The following JPT2 variants were observed in gnomAD, a reference collection of about 807,000 sequenced individuals.
JPT2 encodes the protein CRAMP_1 like.
Under a neutral mutation model 15.9 loss-of-function variants are expected in JPT2, and 9 were observed. The ratio of observed to expected loss-of-function variants is 0.57; its 90% CI spans 0.34 to 0.99. The LOEUF is 0.99. JPT2 is among the 50% of genes least tolerant of loss of function. The pLI is 0.02. For synonymous variants in JPT2, 95 were observed against 91.7 expected (o/e 1.04, Z -0.21); for missense variants, 267 against 252.1 (o/e 1.06, Z -0.40).
In JPT2 at chr16:1,701,652, C is replaced by G. The variant is rs2037181042; in HGVS notation, c.*2654C>G. 6.6e-6 allele frequency: 1 copy of G among 152,164 alleles called. No homozygotes were observed. Among genetic ancestry groups the G allele is most frequent in the Non-Finnish European group, 1.5e-5 (1 of 68,164 alleles). The allele number at this position is 152,164 out of a possible 1,614,324, so 9.4% of individuals were successfully genotyped here. ...TTTTTTCCCTTGTATGCCACTTGTC[C>G]TAACATGTCCTTAAGGTGTTTAACC... On this transcript the variant is annotated 3_prime_UTR_variant, in exon 5 of 5. Coordinates refer to ENST00000248098, the MANE Select transcript of JPT2 (RefSeq NM_144570.3).
chr16:1,678,595 G>A (rs1456851430), intron 1 of JPT2, among the ~76,000 whole-genome samples: 3 of 152,314 alleles, frequency 2.0e-5, no homozygotes, highest in Non-Finnish European at 2.9e-5. Flanking sequence ...CCGAGGCCGA[G>A]GGCGGGGAGG....
At chr16:1,680,452 C>T in intron 1 of JPT2, 1 of 1,234,582 alleles carries the variant, frequency 8.1e-7, no homozygotes, top group Non-Finnish European at 1.0e-6. Flanking sequence ...AAAACTCTTC[C>T]TTTTAGGATG....
At chr16:1,692,826 T>G (rs1323139540) in intron 3 of JPT2, among the ~76,000 whole-genome samples, 1 of 152,264 alleles carries the variant, frequency 6.6e-6, no homozygotes, top group Non-Finnish European at 1.5e-5. Context: ...AGTGGAAAAT[T>G]CTTAACCATT....
At position 1,685,544 on chromosome 16, in the gene JPT2, A is replaced by G; in HGVS notation, c.150A>G (p.Pro50=). Residue 50 remains proline, a synonymous_variant, in exon 2 of 5, where the codon CCA becomes CCG. Transcript: ENST00000248098. ...PNRMASNIFG[P]TEEPQNIPKR... ...GGATGGCATCTAATATTTTTGGACC[A>G]ACAGAAGAACCTCAGAACATACCCA... The G allele has an allele frequency of 1.2e-6, 2 of 1,614,200 alleles. No individual in the cohort carries two copies. Among genetic ancestry groups the G allele is most frequent in the African/African-American group, 1.3e-5 (1 of 75,050 alleles).
chr16:1,685,547 A>G lies in JPT2; in HGVS notation c.153A>G (p.Thr51=), dbSNP rs754679163. Residue 51 remains threonine, a synonymous_variant, in exon 2 of 5, where the codon ACA becomes ACG. Transcript: ENST00000248098. The part of the protein sequence containing the change: ...NRMASNIFGP[T]EEPQNIPKRT... ...TGGCATCTAATATTTTTGGACCAAC[A>G]GAAGAACCTCAGAACATACCCAAGA... is the stretch of plus-strand genomic sequence containing the variant. 6.2e-6 allele frequency: 10 copies of G among 1,614,110 alleles called. No homozygotes were observed. Among genetic ancestry groups the G allele is most frequent in the Middle Eastern group, 1.6e-4 (1 of 6,084 alleles).
intron 3 of JPT2, among the ~76,000 whole-genome samples, chr16:1,696,965 C>T (rs529677162): frequency 7.9e-5 from 12 of 152,298 alleles, no homozygotes; most frequent in African/African-American, 2.4e-4. Flanking sequence ...CTCTTAAGTA[C>T]GTACTCACAA....
chr16:1,687,569 G>A (rs2037076228), intron 2 of JPT2, among the ~76,000 whole-genome samples: 2 of 152,144 alleles, frequency 1.3e-5, no homozygotes, highest in Non-Finnish European at 2.9e-5. Flanking sequence ...CTCCATGGAA[G>A]GCAGGCGGTA....
chr16:1,693,097 G>A (rs546917873), intron 3 of JPT2, among the ~76,000 whole-genome samples: 5 of 151,962 alleles, frequency 3.3e-5, no homozygotes, highest in African/African-American at 1.2e-4. Context: ...GTGTTTTTTC[G>A]TTTTATTTTG....
At chr16:1,692,816 AG>A (rs1244214607) in intron 3 of JPT2, among the ~76,000 whole-genome samples, 1 of 152,236 alleles carries the variant, frequency 6.6e-6, no homozygotes, top group East Asian at 1.9e-4. Context: ...GGTTCCTTAA[AG>A]TGGAAAATTC....
At chr16:1,680,056 C>A (rs1445407940) in intron 1 of JPT2, among the ~76,000 whole-genome samples, 1 of 152,210 alleles carries the variant, frequency 6.6e-6, no homozygotes, top group Non-Finnish European at 1.5e-5. Context: ...AAGACTCCGT[C>A]TCAAAGAAAC....
Position 1,699,290 on chromosome 16 carries a change from A to C in JPT2, c.*292A>C, listed in dbSNP as rs1415489784. On this transcript the variant is annotated 3_prime_UTR_variant, in exon 5 of 5. Transcript: ENST00000248098. ...TGAGGGTGGGGAGGTGGGGCAGGGC[A>C]TGGTCCTTGGATCAACAGCCCGCCA... 1 of 590,770 alleles carries C rather than the reference A, an allele frequency of 1.7e-6. No individual in the cohort carries two copies. Among genetic ancestry groups the C allele is most frequent in the Non-Finnish European group, 3.2e-6 (1 of 314,228 alleles). 36.6% of individuals were successfully genotyped at this position (590,770 alleles called of 1,614,324 possible). A position where few individuals can be genotyped will look rare whatever the true frequency, so the allele number is the denominator to read the frequency against.
intron 2 of JPT2, 86 bp downstream of exon 2, chr16:1,685,673 C>A: frequency 7.3e-7 from 1 of 1,376,324 alleles, no homozygotes; most frequent in African/African-American, 1.5e-5. Context: ...TGATCCTTTC[C>A]CATATTGTCT....
At chr16:1,697,287 G>A (rs937139485) in intron 3 of JPT2, among the ~76,000 whole-genome samples, 1 of 152,186 alleles carries the variant, frequency 6.6e-6, no homozygotes, top group Non-Finnish European at 1.5e-5. Flanking sequence ...GCTGAGGCAC[G>A]CAGATCACTT....
rs1004898991 is a variant in JPT2, at chr16:1,680,504, A to G, written c.44+2148A>G. On this transcript the variant is annotated intron_variant, in intron 1 of 4. Transcript: ENST00000248098. The stretch of plus-strand genomic sequence containing the variant: ...GGTCTGAACTGGATGATGAGGTATC[A>G]CTGGAAGCTTCTGCTTGGGGTCCAC... 3.1e-5 allele frequency: 38 copies of G among 1,245,384 alleles called. No individual in the cohort carries two copies. In the African/African-American group the frequency reaches 3.3e-4, roughly 11 times the overall value. 77.1% of individuals were successfully genotyped at this position (1,245,384 alleles called of 1,614,324 possible).
rs1223164304 is a variant in JPT2 at position 1,683,625 on chromosome 16, A to G, written c.45-1814A>G. 7 of 1,481,572 alleles carry G rather than the reference A, an allele frequency of 4.7e-6. No individual in the cohort carries two copies. The East Asian group carries it at 1.2e-4, about 26-fold the overall frequency. 91.8% of individuals were successfully genotyped at this position (1,481,572 alleles called of 1,614,324 possible). Reference sequence around the variant, plus strand: ...AGCACACGCTTGGTTTCTGGGGTACAGTAGCCAGCCCGTGGGTCTCTGCAG... The same window carrying G: ...AGCACACGCTTGGTTTCTGGGGTACGGTAGCCAGCCCGTGGGTCTCTGCAG... On this transcript the variant is annotated intron_variant, in intron 1 of 4. Transcript: ENST00000248098.
intron 3 of JPT2, among the ~76,000 whole-genome samples, chr16:1,696,532 A>C (rs1188379979): frequency 6.6e-6 from 1 of 152,154 alleles, no homozygotes; most frequent in Non-Finnish European, 1.5e-5. Context: ...AAAAAAAAAA[A>C]AAGTGAAAAG....
intron 1 of JPT2, chr16:1,683,544 C>T (rs893832630): frequency 8.5e-6 from 13 of 1,535,474 alleles, no homozygotes; most frequent in Non-Finnish European, 1.1e-5. Flanking sequence ...TTGGCATCCA[C>T]CTCCCCCAGC....
At chr16:1,681,091 G>T (rs1295714578) in intron 1 of JPT2, among the ~76,000 whole-genome samples, 1 of 152,324 alleles carries the variant, frequency 6.6e-6, no homozygotes, top group South Asian at 2.1e-4. Context: ...CTCACATTGT[G>T]AATTTGTCCC....
At chr16:1,702,584 T>C (rs1263207628), downstream of JPT2, among the ~76,000 whole-genome samples, 8 of 152,246 alleles carry the variant, frequency 5.3e-5, no homozygotes, top group Non-Finnish European at 1.2e-4. Flanking sequence ...CTTTGCCATA[T>C]GATCTTTGTG....
Sources: allele counts gnomAD v4.1 joint callset (sites outside exome capture counted in the v4.1 genomes callset), GRCh38; gene constraint gnomAD v4.1.1; transcripts MANE v1.5; gene names NCBI Gene and HGNC (gene_info 2026-07-23, HGNC 2026-07-21).